The following PTPRJ variants were observed in gnomAD, a reference collection of about 807,000 sequenced individuals.
PTPRJ encodes protein tyrosine phosphatase receptor type J.
A neutral mutation model predicts 141.3 loss-of-function variants in PTPRJ; 129 were observed. That is an observed-to-expected ratio of 0.91 (90% CI 0.79 to 1.06). The LOEUF (loss-of-function observed/expected upper bound fraction) is 1.06, where lower values mean the gene tolerates loss of function less well. PTPRJ is among the 50% of genes least tolerant of loss of function. PTPRJ has a pLI of 0.00. For missense variants in PTPRJ, 1,601 were observed against 1,679.7 expected, an observed-to-expected ratio of 0.95 and a Z score of 0.82; for synonymous variants, 610 against 640.5, an observed-to-expected ratio of 0.95 and a Z score of 0.72.
rs759154932 is a variant in PTPRJ at position 48,123,753 on chromosome 11, T to C, written c.757T>C (p.Ser253Pro). 6.2e-7 allele frequency: 1 copy of C among 1,614,082 alleles called. No individual in the cohort carries two copies. The highest frequency in any genetic ancestry group is 1.1e-5 in the South Asian group (1 of 91,072). ...IGSHEELTQD[S>P]RLQVNISGLK... The stretch of plus-strand genomic sequence containing the variant: ...AAGCCATGAGGAGTTGACTCAAGAC[T>C]CAAGACTTCAGGTCAATATCTCGGG... The change falls in exon 5 of 25, where the codon TCA (serine) becomes CCA (proline). Residue 253 changes from serine (S) to proline (P), a missense_variant. Coordinates refer to ENST00000418331, the MANE Select transcript of PTPRJ (RefSeq NM_002843.4).
intron 1 of PTPRJ, among the ~76,000 whole-genome samples, chr11:48,067,316 A>G (rs1590461012): frequency 6.6e-6 from 1 of 152,182 alleles, no homozygotes. Context: ...GGGGAAGGAA[A>G]GGAAAGCAAT....
At chr11:48,053,151 AAT>A (rs1293299699) in intron 1 of PTPRJ, among the ~76,000 whole-genome samples, 62 of 114,532 alleles carry the variant, frequency 5.4e-4, no homozygotes, top group African/African-American at 2.0e-3. Flanking sequence ...TATAAAAATA[AAT>A]ATATATTATA....
chr11:48,143,822 C>T (rs1857289968), intron 12 of PTPRJ, among the ~76,000 whole-genome samples: 1 of 125,470 alleles, frequency 8.0e-6, no homozygotes, highest in Non-Finnish European at 1.7e-5. Context: ...TCCCCTTCTC[C>T]TCCCCCTCCC....
At chr11:48,095,743 G>A (rs927501058) in intron 1 of PTPRJ, among the ~76,000 whole-genome samples, 2 of 152,056 alleles carry the variant, frequency 1.3e-5, no homozygotes, top group African/African-American at 4.8e-5. Context: ...ACCACACCCA[G>A]CTAATTTTTG....
At chr11:48,040,322 C>T (rs1167890813) in intron 1 of PTPRJ, among the ~76,000 whole-genome samples, 2 of 152,212 alleles carry the variant, frequency 1.3e-5, no homozygotes, top group African/African-American at 4.8e-5. Context: ...TAAACATTTA[C>T]CTGGAGTAAA....
chr11:48,084,635 A>G (rs1037119757), intron 1 of PTPRJ, among the ~76,000 whole-genome samples: 2 of 152,166 alleles, frequency 1.3e-5, no homozygotes, highest in Non-Finnish European at 2.9e-5. Context: ...CTGAGCTCTG[A>G]TTGGCTGAAG....
chr11:48,166,180 T>G (rs7122208), intron 24 of PTPRJ, among the ~76,000 whole-genome samples: 149,302 of 151,988 alleles, frequency 0.98, 73,394 homozygotes, highest in Middle Eastern at 1. Flanking sequence ...ATTTTTCTCT[T>G]ACTCTTCCTT....
intron 15 of PTPRJ, among the ~76,000 whole-genome samples, chr11:48,149,102 G>T (rs1168614090): frequency 1.3e-5 from 2 of 152,172 alleles, no homozygotes; most frequent in Admixed American, 6.5e-5. Context: ...TATCAGAAAA[G>T]CTTTCTCAAA....
rs1248993099 is a variant in PTPRJ, at chr11:47,980,591, C to CGGGAGCAGCCGCGGGAGCCGGGACCG, written c.-319_-294dup. ...GCCGCATGACGCGCGGAGGAGGCAG[C>CGGGAGCAGCCGCGGGAGCCGGGACCG]GGGAGCAGCCGCGGGAGCCGGGACC... On this transcript the variant is annotated 5_prime_UTR_variant, in exon 1 of 25. An upstream open reading frame in the 5' UTR gains an earlier in-frame stop. Transcript: ENST00000418331. 1 of 982,858 alleles carries CGGGAGCAGCCGCGGGAGCCGGGACCG rather than the reference C, an allele frequency of 1.0e-6. No individual in the cohort carries two copies. 60.9% of individuals were successfully genotyped at this position (982,858 alleles called of 1,614,324 possible).
At position 48,076,851 on chromosome 11, in the gene PTPRJ, TC is replaced by T. The variant is rs1015328212; in HGVS notation, c.97-33206del. ...TTTACAATTGGTAGAAAAGAACAAC[TC>T]TTTTTTCTTTTTCTTTTTCTTTTTT... On this transcript the variant is annotated intron_variant, in intron 1 of 24. Transcript: ENST00000418331. Among the ~76,000 whole-genome samples, 402 of 151,826 alleles carry T rather than the reference TC, an allele frequency of 2.6e-3. 1 individual carries two copies. The highest frequency in any genetic ancestry group is 9.1e-3 in the African/African-American group (375 of 41,416).
chr11:48,082,560 T>C (rs1202585354), intron 1 of PTPRJ, among the ~76,000 whole-genome samples: 1 of 151,632 alleles, frequency 6.6e-6, no homozygotes, highest in Non-Finnish European at 1.5e-5. Flanking sequence ...AATTTTTTAT[T>C]TATTTATTTT....
At position 47,989,580 on chromosome 11, in the gene PTPRJ, A is replaced by G. The variant is rs541068099; in HGVS notation, c.96+8572A>G. The stretch of plus-strand genomic sequence containing the variant: ...GGCGTGAGCCACTGTGCCAGGCCCC[A>G]TTTTTTGTTTTTTGGTTAACTCCCT... On this transcript the variant is annotated intron_variant, in intron 1 of 24. Transcript: ENST00000418331. Among the ~76,000 whole-genome samples, 14 of 151,344 alleles carry G rather than the reference A, an allele frequency of 9.3e-5. No individual in the cohort carries two copies. The East Asian group carries it at 2.5e-3, about 27-fold the overall frequency.
At chr11:48,127,227 G>A (rs4752902) in intron 6 of PTPRJ, among the ~76,000 whole-genome samples, 70,758 of 152,066 alleles carry the variant, frequency 0.47, 19,727 homozygotes, top group Admixed American at 0.59. Flanking sequence ...TGTCGGGAGG[G>A]TGGAGTGGGC....
chr11:47,997,708 T>C (rs563729405), intron 1 of PTPRJ, among the ~76,000 whole-genome samples: 3 of 152,268 alleles, frequency 2.0e-5, no homozygotes, highest in African/African-American at 4.8e-5. Context: ...AGGTTTACCA[T>C]TTATTAGGAG....
At chr11:48,138,263 C>T (rs1304018593) in intron 10 of PTPRJ, among the ~76,000 whole-genome samples, 1 of 152,216 alleles carries the variant, frequency 6.6e-6, no homozygotes, top group Non-Finnish European at 1.5e-5. Flanking sequence ...TCCATCCCAC[C>T]TGGTCTAGAC....
At chr11:48,043,642 C>T (rs1278547596) in intron 1 of PTPRJ, among the ~76,000 whole-genome samples, 3 of 152,044 alleles carry the variant, frequency 2.0e-5, no homozygotes, top group Non-Finnish European at 2.9e-5. Context: ...TCCTTTTGTT[C>T]CTTCTCTGCC....
intron 1 of PTPRJ, among the ~76,000 whole-genome samples, chr11:48,065,164 A>G (rs1254980905): frequency 2.0e-5 from 3 of 151,158 alleles, no homozygotes; most frequent in East Asian, 3.9e-4. Context: ...ACAGGCATGC[A>G]CCACCATGCC....
intron 1 of PTPRJ, among the ~76,000 whole-genome samples, chr11:47,995,469 TG>T (rs1365577519): frequency 3.3e-5 from 5 of 152,188 alleles, no homozygotes; most frequent in Non-Finnish European, 7.3e-5. Flanking sequence ...GTGGGAAGGC[TG>T]TCTTTCTGTG....
chr11:47,991,599 T>C (rs2134179344), intron 1 of PTPRJ, among the ~76,000 whole-genome samples: 1 of 152,292 alleles, frequency 6.6e-6, no homozygotes, highest in East Asian at 1.9e-4. Context: ...AGTTTTCCTG[T>C]CTCAATGAGA....
Sources: allele counts gnomAD v4.1 joint callset (sites outside exome capture counted in the v4.1 genomes callset), GRCh38; gene constraint gnomAD v4.1.1; transcripts MANE v1.5; gene names NCBI Gene and HGNC (gene_info 2026-07-23, HGNC 2026-07-21).